ELN: variants seen among roughly 807,000 people sequenced by gnomAD.
ELN encodes tropoelastin.
Under a neutral mutation model 105.8 loss-of-function variants are expected in ELN, and 65 were observed. The ratio of observed to expected loss-of-function variants is 0.61; its 90% CI spans 0.50 to 0.75. ELN has a LOEUF of 0.75. Ranked by LOEUF, ELN falls within the 30% of genes least tolerant of loss-of-function variation. ELN has a pLI of 0.00. For missense variants in ELN, 882 were observed against 969.4 expected (o/e 0.91, Z 1.20); for synonymous variants, 368 against 389.2 (o/e 0.95, Z 0.64).
chr7:74,049,990 C>T (rs1008861212), intron 15 of ELN, among the ~76,000 whole-genome samples: 10 of 151,374 alleles, frequency 6.6e-5, no homozygotes, highest in African/African-American at 2.4e-4. Flanking sequence ...CCCATTCTTC[C>T]ATGCATCCCT....
At chr7:74,048,607 CCATTCCCATTACTATTGA>C in intron 15 of ELN, 51 bp downstream of exon 15, 1 of 1,609,440 alleles carries the variant, frequency 6.2e-7, no homozygotes, top group Non-Finnish European at 8.5e-7. Flanking sequence ...CCTAGCCTCT[CCATTCCCATTACTATTGA>C]CAGCCTGCCT....
At position 74,035,382 on chromosome 7, in the gene ELN, C is replaced by A; in HGVS notation, c.101C>A (p.Pro34His). 6.2e-7 allele frequency: 1 copy of A among 1,614,094 alleles called. No homozygotes were observed. The highest frequency in any genetic ancestry group is 8.5e-7 in the Non-Finnish European group (1 of 1,180,004). The change falls in exon 2 of 33, where the codon CCT (proline) becomes CAT (histidine). Residue 34 changes from proline to histidine, a missense_variant. Physicochemically the swap from Pro to His is moderately conservative, Grantham distance 77. Coordinates refer to ENST00000252034, the MANE Select transcript of ELN (RefSeq NM_000501.4). The stretch of plus-strand genomic sequence containing the variant: ...CTTTCAGGGGTCCCTGGGGCCATTC[C>A]TGGTGGAGTTCCTGGAGGAGTCTTT... ...SRPGGVPGAI[P>H]GGVPGGVFYP...
intron 18 of ELN, 94 bp from the exon 19 acceptor site, chr7:74,054,622 G>C: frequency 7.8e-7 from 1 of 1,287,316 alleles, no homozygotes; most frequent in Non-Finnish European, 1.1e-6. Flanking sequence ...GAAAGGAGAT[G>C]GCCCAACACA....
In ELN at chr7:74,060,504, G is replaced by A. The variant is rs1207738492; in HGVS notation, c.1747+3G>A. The A allele has an allele frequency of 1.2e-6, 2 of 1,614,244 alleles. No homozygotes were observed. Among genetic ancestry groups the A allele is most frequent in the Non-Finnish European group, 8.5e-7 (1 of 1,180,044 alleles). Reference sequence around the variant, plus strand: ...TGGTGTTCCTGGCTTCGGGGCAGGTGCAGATGAGGGAGTTAGGCGGAGCCT... The same window carrying A: ...TGGTGTTCCTGGCTTCGGGGCAGGTACAGATGAGGGAGTTAGGCGGAGCCT... On this transcript the variant is annotated splice_donor_region_variant and intron_variant, in intron 25 of 32. Transcript: ENST00000252034.
chr7:74,063,420 G>A lies in ELN; in HGVS notation c.1918+51G>A. 6.5e-7 allele frequency: 1 copy of A among 1,546,308 alleles called. No homozygotes were observed. The highest frequency in any genetic ancestry group is 8.7e-7 in the Non-Finnish European group (1 of 1,148,844). ...TGCCGCCAGGCCCCCAGGCCCCCAGGGTGTGGGAGGAGCTTCTGACCAGGC... is the reference window on the plus strand; with the variant it reads ...TGCCGCCAGGCCCCCAGGCCCCCAGAGTGTGGGAGGAGCTTCTGACCAGGC... On this transcript the variant is annotated intron_variant, in intron 28 of 32. Coordinates refer to ENST00000252034, the MANE Select transcript of ELN (RefSeq NM_000501.4). The surrounding 1 kb of genome is among the most constrained non-coding windows in gnomAD (Gnocchi z 4.1).
intron 14 of ELN, 64 bp downstream of exon 14, chr7:74,048,265 G>T (rs1016787172): frequency 4.3e-5 from 70 of 1,609,334 alleles, no homozygotes; most frequent in Admixed American, 1.7e-5. Flanking sequence ...CCAGAGCCCT[G>T]GGGTGGGTGA....
At chr7:74,034,103 C>T (rs572412220) in intron 1 of ELN, among the ~76,000 whole-genome samples, 17 of 152,334 alleles carry the variant, frequency 1.1e-4, no homozygotes, top group African/African-American at 1.4e-4. Context: ...CGTCCCCCTG[C>T]GGCCCCGGCG....
chr7:74,064,231 C>A (rs1363870125), intron 29 of ELN, among the ~76,000 whole-genome samples: 6 of 150,320 alleles, frequency 4.0e-5, no homozygotes, highest in Admixed American at 1.3e-4. Flanking sequence ...CTGGCTAACA[C>A]AGTGAAACCC....
intron 32 of ELN, 24 bp from the exon 33 acceptor site, chr7:74,068,633 T>C (rs1798516913): frequency 6.2e-7 from 1 of 1,613,930 alleles, no homozygotes; most frequent in African/African-American, 1.3e-5. Context: ...GGACTCACAG[T>C]GATGTGCACC....
chr7:74,041,557 G>A (rs1401555271), intron 5 of ELN, among the ~76,000 whole-genome samples: 1 of 152,228 alleles, frequency 6.6e-6, no homozygotes, highest in Non-Finnish European at 1.5e-5. Context: ...TCTAGAGGAG[G>A]TGGGTGGGGA....
At chr7:74,057,187 G>A (rs1383274878) in intron 21 of ELN, among the ~76,000 whole-genome samples, 2 of 151,976 alleles carry the variant, frequency 1.3e-5, no homozygotes, top group Admixed American at 6.6e-5. Context: ...GCAGTGAGCA[G>A]AGATTATACC....
chr7:74,028,334 T>C, intron 1 of ELN, 65 bp downstream of exon 1: 1 of 1,540,122 alleles, frequency 6.5e-7, no homozygotes, highest in South Asian at 1.2e-5. Flanking sequence ...GCCAGGTGAC[T>C]AGACGCTCAA....
chr7:74,045,736 T>A (rs1165576138), intron 10 of ELN: 2 of 299,668 alleles, frequency 6.7e-6, no homozygotes, highest in South Asian at 3.5e-5. Flanking sequence ...GAGACCCCGT[T>A]CCCCCGCAAA....
chr7:74,057,238 TAA>T, intron 21 of ELN: 1 of 733,600 alleles, frequency 1.4e-6, no homozygotes, highest in Non-Finnish European at 2.0e-6. Context: ...ACTCCAACTC[TAA>T]AAATAAAAAA....
Position 74,037,707 on chromosome 7 carries a change from C to T in ELN, c.164C>T (p.Ala55Val), listed in dbSNP as rs1411248717. 1.1e-5 allele frequency: 17 copies of T among 1,612,154 alleles called. No homozygotes were observed. In the East Asian group the frequency reaches 2.0e-4, roughly 19 times the overall value. The change falls in exon 4 of 33, where the codon GCG becomes GTG. Residue 55 changes from alanine (A) to valine (V), a missense_variant and splice_region_variant. Ala to Val is a moderately conservative substitution (Grantham distance 64). Transcript: ENST00000252034. ...TCACTATCTTCTCTTCCCTCTGCAGCGCTGGGGCCTGGAGGCAAACCTCTT... is the reference window on the plus strand; with the variant it reads ...TCACTATCTTCTCTTCCCTCTGCAGTGCTGGGGCCTGGAGGCAAACCTCTT... ...GAGLGALGGG[A>V]LGPGGKPLKP...
At chr7:74,047,371 C>G (rs150651371) in intron 12 of ELN, among the ~76,000 whole-genome samples, 2 of 152,354 alleles carry the variant, frequency 1.3e-5, no homozygotes, top group Admixed American at 1.3e-4. Context: ...CCCGCCCCTA[C>G]CTCTGCAATC....
intron 31 of ELN, among the ~76,000 whole-genome samples, chr7:74,066,198 G>A (rs1227410030): frequency 6.6e-6 from 1 of 152,244 alleles, no homozygotes; most frequent in African/African-American, 2.4e-5. Context: ...GCTGAGCTCA[G>A]GGTTGAGGCC....
In ELN at chr7:74,041,120, G is replaced by A. The variant is rs546488084; in HGVS notation, c.197-96G>A. 7 of 1,528,522 alleles carry A rather than the reference G, an allele frequency of 4.6e-6. No individual in the cohort carries two copies. In the South Asian group the frequency reaches 7.9e-5, roughly 17 times the overall value. 94.7% of individuals were successfully genotyped at this position (1,528,522 alleles called of 1,614,324 possible). On this transcript the variant is annotated intron_variant, in intron 4 of 32. Coordinates refer to ENST00000252034, the MANE Select transcript of ELN (RefSeq NM_000501.4). ...CTTAGGGACCAGCCTAGGGACCTGA[G>A]TGGCTGATCACAGCACTGCCCTAAC...
At chr7:74,057,582 G>A in intron 21 of ELN, 58 bp from the exon 22 acceptor site, 1 of 1,610,100 alleles carries the variant, frequency 6.2e-7, no homozygotes, top group East Asian at 2.2e-5. Context: ...GCCTAGAGAT[G>A]GGAAGCAGGG....
Sources: gnomAD v4.1 joint callset for allele counts (sites outside exome capture counted in the v4.1 genomes callset) on GRCh38, gnomAD v4.1.1 for gene constraint, Gnocchi (gnomAD v3.1) non-coding constraint, MANE v1.5 for transcripts, NCBI Gene and HGNC (gene_info 2026-07-23, HGNC 2026-07-21) for gene names.